MAP4K3: variants seen among roughly 807,000 people sequenced by gnomAD.
The protein encoded by MAP4K3 is MAPK/ERK kinase kinase kinase 3.
In MAP4K3, 94 loss-of-function variants were observed where a neutral mutation model predicts 143.5. That is an observed-to-expected ratio of 0.65 (90% CI 0.55 to 0.78). The LOEUF (loss-of-function observed/expected upper bound fraction) is 0.78. Among genes scored for constraint, MAP4K3 ranks in the 30% least tolerant of loss-of-function variants. The pLI, the probability that MAP4K3 is intolerant of heterozygous loss-of-function variation, is 0.00. For synonymous variants in MAP4K3, 416 were observed against 347.2 expected, an observed-to-expected ratio of 1.20 and a Z score of -2.20; for missense variants, 1,077 against 1,068.1, an observed-to-expected ratio of 1.01 and a Z score of -0.12.
Position 39,368,944 on chromosome 2 carries a change from T to C in MAP4K3, c.154+9122A>G, listed in dbSNP as rs1020198956. On this transcript the variant is annotated intron_variant, in intron 2 of 33. Coordinates refer to ENST00000263881, the MANE Select transcript of MAP4K3 (RefSeq NM_003618.4). Reference sequence around the variant, plus strand: ...TATATCGTACCTCTCCCTTATCCCTTGTAACCTATCAATCACGTTTTAAGT... The same window carrying C: ...TATATCGTACCTCTCCCTTATCCCTCGTAACCTATCAATCACGTTTTAAGT... Among the ~76,000 whole-genome samples the C allele has an allele frequency of 2.6e-5, 4 of 152,220 alleles. No individual in the cohort carries two copies. In the East Asian group the frequency reaches 7.7e-4, roughly 29 times the overall value.
chr2:39,436,850 C>A, intron 1 of MAP4K3, 42 bp downstream of exon 1: 1 of 1,549,014 alleles, frequency 6.5e-7, no homozygotes, highest in South Asian at 1.2e-5. Flanking sequence ...GGCTGCGGGT[C>A]GGGATCCCAC....
intron 3 of MAP4K3, among the ~76,000 whole-genome samples, chr2:39,347,672 C>T (rs1280126955): frequency 6.6e-6 from 1 of 151,888 alleles, no homozygotes. Flanking sequence ...TGTAAATTAA[C>T]TTAAAGATGT....
At chr2:39,397,004 AC>A (rs1239486105) in intron 1 of MAP4K3, among the ~76,000 whole-genome samples, 1 of 152,196 alleles carries the variant, frequency 6.6e-6, no homozygotes, top group Non-Finnish European at 1.5e-5. Flanking sequence ...TGTAACACAT[AC>A]CAATAAGTGG....
At chr2:39,365,635 G>T (rs1348898376) in intron 2 of MAP4K3, among the ~76,000 whole-genome samples, 2 of 150,402 alleles carry the variant, frequency 1.3e-5, no homozygotes, top group African/African-American at 4.9e-5. Context: ...TAGTAGAGAC[G>T]GGGTTTCACC....
At chr2:39,267,064 A>G in intron 27 of MAP4K3, 125 bp downstream of exon 27, 1 of 839,646 alleles carries the variant, frequency 1.2e-6, no homozygotes, top group Non-Finnish European at 2.0e-6. Flanking sequence ...AACAGCCAAG[A>G]AATTTGTTCT....
chr2:39,402,350 A>T (rs149650223), intron 1 of MAP4K3, among the ~76,000 whole-genome samples: 1 of 152,196 alleles, frequency 6.6e-6, no homozygotes. Flanking sequence ...TTAATTGCCA[A>T]ATTTTTTCCA....
intron 12 of MAP4K3, among the ~76,000 whole-genome samples, chr2:39,321,735 C>T (rs1241460611): frequency 2.0e-5 from 3 of 152,230 alleles, no homozygotes; most frequent in African/African-American, 7.2e-5. Flanking sequence ...TAGGGAAAAA[C>T]CGCCTTAGGG....
At chr2:39,326,348 C>G in intron 8 of MAP4K3, 71 bp from the exon 9 acceptor site, 1 of 1,528,814 alleles carries the variant, frequency 6.5e-7, no homozygotes, top group Non-Finnish European at 8.9e-7. Context: ...CCCAGAGGCA[C>G]AAGGAATTAT....
At chr2:39,415,671 G>A (rs1667348999) in intron 1 of MAP4K3, among the ~76,000 whole-genome samples, 1 of 151,558 alleles carries the variant, frequency 6.6e-6, no homozygotes, top group Non-Finnish European at 1.5e-5. Context: ...ATAATTATAG[G>A]CCAGGCACGG....
In MAP4K3 at chr2:39,432,381, T is replaced by G. The variant is rs80183242; in HGVS notation, c.96+4511A>C. ...AAAATTACCTCGCTACCTGTTTCAT[T>G]GTCACTTTTCATCTCAAATAGCAAC... is the stretch of plus-strand genomic sequence containing the variant. On this transcript the variant is annotated intron_variant, in intron 1 of 33. Transcript: ENST00000263881. Among the ~76,000 whole-genome samples the G allele has an allele frequency of 8.3e-3, 1,271 of 152,294 alleles. 17 individuals carry two copies. The highest frequency in any genetic ancestry group is 0.029 in the African/African-American group (1,217 of 41,564).
In MAP4K3 at chr2:39,256,504, A is replaced by G. The variant is rs1348189823; in HGVS notation, c.2470+1844T>C. Among the ~76,000 whole-genome samples the G allele has an allele frequency of 3.9e-5, 6 of 152,194 alleles. No individual in the cohort carries two copies. In the East Asian group the frequency reaches 1.2e-3, roughly 29 times the overall value. ...TGAATGCTTTTTGGGCATCTACTGA[A>G]GAGTTACATGATTTTCTCTTAATAC... On this transcript the variant is annotated intron_variant, in intron 31 of 33. Transcript: ENST00000263881.
chr2:39,419,285 T>G (rs1667481111), intron 1 of MAP4K3, among the ~76,000 whole-genome samples: 1 of 152,134 alleles, frequency 6.6e-6, no homozygotes, highest in Non-Finnish European at 1.5e-5. Flanking sequence ...AAAATAAGTT[T>G]AGTTTACAGA....
intron 1 of MAP4K3, among the ~76,000 whole-genome samples, chr2:39,400,046 T>C (rs560329542): frequency 1.4e-4 from 22 of 152,274 alleles, no homozygotes; most frequent in Non-Finnish European, 3.1e-4. Context: ...AACTAGACAA[T>C]GCTACCGACA....
At position 39,282,541 on chromosome 2, in the gene MAP4K3, T is replaced by C; in HGVS notation, c.1601A>G (p.Asn534Ser). The C allele has an allele frequency of 1.9e-6, 3 of 1,611,638 alleles. No homozygotes were observed. Among genetic ancestry groups the C allele is most frequent in the Non-Finnish European group, 2.5e-6 (3 of 1,178,592 alleles). ...CACTTTAGGTGTTGGAGGAAGACCA[T>C]TACTAATAGGCTTCTAGAAAAAGAA... ...EKKDVPKPIS[N>S]GLPPTPKVHM... is the part of the protein sequence containing the mutation. The change falls in exon 22 of 34, where the codon AAT becomes AGT. Residue 534 changes from asparagine to serine, a missense_variant. By Grantham distance (46) the Asn-to-Ser change is conservative. Coordinates refer to ENST00000263881, the MANE Select transcript of MAP4K3 (RefSeq NM_003618.4).
chr2:39,327,665 T>C (rs1406445666), intron 8 of MAP4K3, among the ~76,000 whole-genome samples: 2 of 152,208 alleles, frequency 1.3e-5, no homozygotes, highest in Non-Finnish European at 2.9e-5. Flanking sequence ...TCAAAACCCC[T>C]GGTCTTAAAA....
chr2:39,365,841 C>T (rs1204941322), intron 2 of MAP4K3, among the ~76,000 whole-genome samples: 1 of 152,210 alleles, frequency 6.6e-6, no homozygotes, highest in Admixed American at 6.5e-5. Flanking sequence ...ATGGGTATTT[C>T]ACTCTCAAAT....
intron 1 of MAP4K3, among the ~76,000 whole-genome samples, chr2:39,392,318 C>T (rs534317761): frequency 6.6e-6 from 1 of 151,256 alleles, no homozygotes; most frequent in Admixed American, 6.6e-5. Flanking sequence ...GTGAAAAATG[C>T]ATATTTTTTA....
In MAP4K3 at chr2:39,250,572, G is replaced by C. The variant is rs1680112846; in HGVS notation, c.*46C>G. Reference sequence around the variant, plus strand: ...TCAAGCATCCATTAATGTTGCAGTGGTAGTGTTCTTTCTTTCTAGAGTTAA... The same window carrying C: ...TCAAGCATCCATTAATGTTGCAGTGCTAGTGTTCTTTCTTTCTAGAGTTAA... On this transcript the variant is annotated 3_prime_UTR_variant, in exon 34 of 34. Transcript: ENST00000263881. 3.3e-6 allele frequency: 5 copies of C among 1,515,022 alleles called. No homozygotes were observed. The highest frequency in any genetic ancestry group is 2.3e-5 in the South Asian group (2 of 88,156). The allele number at this position is 1,515,022 out of a possible 1,614,324, so 93.8% of individuals were successfully genotyped here. A position where few individuals can be genotyped will look rare whatever the true frequency, so the allele number is the denominator to read the frequency against.
intron 1 of MAP4K3, among the ~76,000 whole-genome samples, chr2:39,408,282 A>T (rs1667148222): frequency 6.6e-6 from 1 of 152,200 alleles, no homozygotes; most frequent in Admixed American, 6.5e-5. Context: ...CTGGCCACCC[A>T]GATCCCAGGA....
Sources: gnomAD v4.1 joint callset for allele counts (sites outside exome capture counted in the v4.1 genomes callset) on GRCh38, gnomAD v4.1.1 for gene constraint, MANE v1.5 for transcripts, NCBI Gene and HGNC (gene_info 2026-07-23, HGNC 2026-07-21) for gene names.